Variants in SIPA1L1 observed in about 807,000 individuals in gnomAD.
SIPA1L1 encodes the protein signal-induced proliferation-associated 1-like protein 1.
Under a neutral mutation model 162.7 loss-of-function variants are expected in SIPA1L1, and 26 were observed. That is an observed-to-expected ratio of 0.16 (90% CI 0.12 to 0.22). SIPA1L1 has a LOEUF of 0.22. Ranked by LOEUF, SIPA1L1 falls within the 10% of genes least tolerant of loss-of-function variation. SIPA1L1 has a pLI of 1.00. For synonymous variants in SIPA1L1, 829 were observed against 837.4 expected, an observed-to-expected ratio of 0.99 and a Z score of 0.17; for missense variants, 1,874 against 2,241.0, an observed-to-expected ratio of 0.84 and a Z score of 3.31.
At chr14:71,665,753 C>T (rs1444555912) in intron 10 of SIPA1L1, among the ~76,000 whole-genome samples, 1 of 152,058 alleles carries the variant, frequency 6.6e-6, no homozygotes, top group Non-Finnish European at 1.5e-5. Flanking sequence ...CAGAGGATGC[C>T]CGAAACCATG....
At chr14:71,650,643 A>G in intron 8 of SIPA1L1, 134 bp downstream of exon 8, 1 of 783,290 alleles carries the variant, frequency 1.3e-6, no homozygotes, top group Non-Finnish European at 2.1e-6. Context: ...AGAAAGCCAG[A>G]GAGGGAGGAT....
At chr14:71,732,904 C>T (rs1333974078) in intron 20 of SIPA1L1, among the ~76,000 whole-genome samples, 4 of 152,192 alleles carry the variant, frequency 2.6e-5, no homozygotes, top group Admixed American at 6.5e-5. Flanking sequence ...TTACCACTCC[C>T]GGGCCAGATA....
At chr14:71,475,491 A>G (rs1025335461) in intron 2 of SIPA1L1, among the ~76,000 whole-genome samples, 20 of 152,160 alleles carry the variant, frequency 1.3e-4, no homozygotes, top group Admixed American at 6.5e-5. Context: ...TTTTCCTTGT[A>G]TTTGAAAACC....
At chr14:71,637,848 A>T (rs1000293514) in intron 7 of SIPA1L1, among the ~76,000 whole-genome samples, 1 of 152,224 alleles carries the variant, frequency 6.6e-6, no homozygotes, top group African/African-American at 2.4e-5. Flanking sequence ...CATATCCCTC[A>T]TGAATACAGG....
At position 71,624,067 on chromosome 14, in the gene SIPA1L1, C is replaced by A; in HGVS notation, c.1649C>A (p.Ser550Ter). The change falls in exon 7 of 24, where the codon TCG (serine) becomes TAG (stop). Residue 550 changes from serine to a stop codon, truncating the protein, a stop_gained. Transcript: ENST00000381232. LOFTEE classifies it high-confidence loss of function. Reference sequence around the variant, plus strand: ...TTGCAGCTCATGACACTGAGAGGTTCGGTCCTGGAGGACGCCATTCCGTCG... The same window carrying A: ...TTGCAGCTCATGACACTGAGAGGTTAGGTCCTGGAGGACGCCATTCCGTCG... ...RTSELMTLRGSVLEDAIPSTA... is the reference protein window; with the variant it reads ...RTSELMTLRG 1.9e-6 allele frequency: 3 copies of A among 1,608,762 alleles called. No individual in the cohort carries two copies. Among genetic ancestry groups the A allele is most frequent in the South Asian group, 2.2e-5 (2 of 90,256 alleles).
chr14:71,726,241 A>C (rs2084235029), intron 19 of SIPA1L1, among the ~76,000 whole-genome samples: 1 of 152,230 alleles, frequency 6.6e-6, no homozygotes, highest in South Asian at 2.1e-4. Flanking sequence ...ATAAGCCAGC[A>C]CTTAACAGTT....
chr14:71,663,473 T>A (rs182523987), intron 10 of SIPA1L1, among the ~76,000 whole-genome samples: 2 of 152,152 alleles, frequency 1.3e-5, no homozygotes, highest in African/African-American at 4.8e-5. Context: ...GAATTAAGTA[T>A]CCATTTTTAA....
intron 2 of SIPA1L1, among the ~76,000 whole-genome samples, chr14:71,438,111 T>G (rs2044541052): frequency 6.6e-6 from 1 of 152,210 alleles, no homozygotes; most frequent in Non-Finnish European, 1.5e-5. Context: ...TGTGCACTTT[T>G]AATTTGATTC....
At chr14:71,729,918 T>C in intron 19 of SIPA1L1, 137 bp from the exon 20 acceptor site, 1 of 940,694 alleles carries the variant, frequency 1.1e-6, no homozygotes, top group Non-Finnish European at 1.6e-6. Flanking sequence ...GTTGTAGAAA[T>C]AGACAATGAG....
At chr14:71,416,751 ACG>A (rs1491237258) in intron 2 of SIPA1L1, among the ~76,000 whole-genome samples, 2 of 150,436 alleles carry the variant, frequency 1.3e-5, no homozygotes, top group African/African-American at 4.9e-5. Flanking sequence ...ACACACACAC[ACG>A]CATGCACACA....
chr14:71,659,833 G>T (rs2043354844), intron 9 of SIPA1L1, among the ~76,000 whole-genome samples: 2 of 151,986 alleles, frequency 1.3e-5, no homozygotes, highest in African/African-American at 2.4e-5. Flanking sequence ...AGGCAAAAAT[G>T]TTACAGTCTT....
intron 2 of SIPA1L1, among the ~76,000 whole-genome samples, chr14:71,356,223 T>A (rs148824317): frequency 2.8e-4 from 42 of 152,272 alleles, no homozygotes; most frequent in African/African-American, 9.9e-4. Flanking sequence ...GCTTATTTGC[T>A]TTCTTTTTTT....
rs753523565 is a variant in SIPA1L1, at chr14:71,587,933, G to A, written c.61G>A (p.Val21Ile). 5.0e-6 allele frequency: 8 copies of A among 1,613,802 alleles called. No individual in the cohort carries two copies. The Admixed American group carries it at 1.0e-4, about 20-fold the overall frequency. ...TCTTGCCACTGACAGGGCCTCTGTT[G>A]TTGGCACAGACGGCACCCCCAAAGT... is the stretch of plus-strand genomic sequence containing the variant. ...RPLATDRASVVGTDGTPKVHT... is the reference protein window; with the variant it reads ...RPLATDRASVIGTDGTPKVHT... Residue 21 changes from valine (V) to isoleucine (I), a missense_variant, in exon 5 of 24, where the codon GTT becomes ATT. Physicochemically the swap from Val to Ile is conservative, Grantham distance 29. Transcript: ENST00000381232.
Position 71,401,782 on chromosome 14 carries a change from CAG to C in SIPA1L1, c.-465+80603_-465+80604del, listed in dbSNP as rs561003096. 9.2e-5 allele frequency among the ~76,000 whole-genome samples: 14 copies of C among 151,912 alleles called. 1 individual carries two copies. The South Asian group carries it at 2.9e-3, about 32-fold the overall frequency. On this transcript the variant is annotated intron_variant, in intron 2 of 23. Transcript: ENST00000381232. ...CATAATTAAGGAAAAACCAGAAAAA[CAG>C]AAATAAAAAAATTTACCAGTAATCT...
chr14:71,424,391 GAC>G (rs1357014043), intron 2 of SIPA1L1, among the ~76,000 whole-genome samples: 1 of 152,034 alleles, frequency 6.6e-6, no homozygotes, highest in Non-Finnish European at 1.5e-5. Context: ...TTTCATTATA[GAC>G]ATGATGTTTG....
At chr14:71,701,343 C>G (rs903279249) in intron 14 of SIPA1L1, among the ~76,000 whole-genome samples, 1 of 151,842 alleles carries the variant, frequency 6.6e-6, no homozygotes, top group Non-Finnish European at 1.5e-5. Context: ...ACCTCAGCCT[C>G]CTGAGTAGCT....
chr14:71,576,780 C>T (rs1567231506), intron 4 of SIPA1L1, among the ~76,000 whole-genome samples: 1 of 152,018 alleles, frequency 6.6e-6, no homozygotes, highest in Non-Finnish European at 1.5e-5. Context: ...AAAATCCAGG[C>T]CTAAATAAGA....
At chr14:71,357,466 C>A (rs2037384567) in intron 2 of SIPA1L1, among the ~76,000 whole-genome samples, 1 of 152,208 alleles carries the variant, frequency 6.6e-6, no homozygotes, top group Non-Finnish European at 1.5e-5. Context: ...ACAGGTTTCT[C>A]CACACTGGGA....
chr14:71,546,422 C>G (rs1336493105), intron 4 of SIPA1L1, among the ~76,000 whole-genome samples: 11 of 131,812 alleles, frequency 8.3e-5, no homozygotes, highest in African/African-American at 3.0e-4. Context: ...GTCCCCCAGG[C>G]TGGAGTGCAG....
Sources: allele counts gnomAD v4.1 joint callset (sites outside exome capture counted in the v4.1 genomes callset), GRCh38; gene constraint gnomAD v4.1.1; transcripts MANE v1.5; gene names NCBI Gene and HGNC (gene_info 2026-07-23, HGNC 2026-07-21).